The following WDR83 variants were observed in gnomAD, a reference collection of about 807,000 sequenced individuals.
WDR83 encodes WD repeat domain 83.
In WDR83, 37 loss-of-function variants were observed where a neutral mutation model predicts 37.7. The observed-to-expected ratio is 0.98, with a 90% CI of 0.76 to 1.29. The LOEUF is 1.29. Ranked by LOEUF, WDR83 falls within the 50% of genes most tolerant of loss-of-function variation. The pLI is 0.00. For missense variants in WDR83, 445 were observed against 414.4 expected (o/e 1.07, Z -0.64); for synonymous variants, 174 against 181.1 (o/e 0.96, Z 0.31).
In WDR83 at chr19:12,673,310, G is replaced by A; in HGVS notation, c.792G>A (p.Leu264=). The change falls in exon 10 of 11, where the codon CTG becomes CTA. Residue 264 remains leucine (L), a synonymous_variant. Transcript: ENST00000418543. ...SEDGKVFFWD[L]VEGALALALP... ...ACGGGAAGGTGTTCTTCTGGGACCT[G>A]GTGGAGGTGAGGTGCCCCCAGCCCT... The A allele has an allele frequency of 1.2e-6, 2 of 1,613,568 alleles. No individual in the cohort carries two copies. Among genetic ancestry groups the A allele is most frequent in the Non-Finnish European group, 8.5e-7 (1 of 1,179,728 alleles).
chr19:12,670,353 G>A (rs2024376048), intron 5 of WDR83, 68 bp downstream of exon 5: 26 of 1,554,256 alleles, frequency 1.7e-5, no homozygotes, highest in Middle Eastern at 1.8e-4. Context: ...GTGGTGACAC[G>A]GCCACCCCCA....
At position 12,670,182 on chromosome 19, in the gene WDR83, C is replaced by T. The variant is rs1389344896; in HGVS notation, c.227C>T (p.Ser76Phe). The change falls in exon 5 of 11, where the codon TCC (serine) becomes TTC (phenylalanine). Residue 76 changes from serine (S) to phenylalanine (F), a missense_variant and splice_region_variant. Coordinates refer to ENST00000418543, the MANE Select transcript of WDR83 (RefSeq NM_001099737.3). ...ATCCTCCTCCTCCTTTACTCCAGCT[C>T]CTTTGACAACAGTAGTCTCTGCTCC... ...HGYEVLDAAG[S>F]FDNSSLCSGG... 2 of 1,613,530 alleles carry T rather than the reference C, an allele frequency of 1.2e-6. No homozygotes were observed. The highest frequency in any genetic ancestry group is 1.7e-5 in the Admixed American group (1 of 59,992).
rs527629636 is a variant in WDR83, at chr19:12,675,347, A to T, written c.799-176A>T. On this transcript the variant is annotated intron_variant, in intron 10 of 10. Coordinates refer to ENST00000418543, the MANE Select transcript of WDR83 (RefSeq NM_001099737.3). ...GTAGGACAGAGCTACTGAGGGGCTCAGTCTGAGGTAGATTAATTTTGCAGT... is the reference window on the plus strand; with the variant it reads ...GTAGGACAGAGCTACTGAGGGGCTCTGTCTGAGGTAGATTAATTTTGCAGT... Among the ~76,000 whole-genome samples, 3 of 152,348 alleles carry T rather than the reference A, an allele frequency of 2.0e-5. No individual in the cohort carries two copies. In the South Asian group the frequency reaches 6.2e-4, roughly 32 times the overall value.
chr19:12,669,408 A>C, intron 2 of WDR83: 1 of 1,593,684 alleles, frequency 6.3e-7, no homozygotes, highest in African/African-American at 1.3e-5. Flanking sequence ...GGACATAGCG[A>C]GTCGAAGGCC....
intron 10 of WDR83, among the ~76,000 whole-genome samples, chr19:12,674,805 G>A (rs1403622782): frequency 6.6e-6 from 1 of 152,058 alleles, no homozygotes; most frequent in African/African-American, 2.4e-5. Flanking sequence ...AACTGATAGA[G>A]GAACATGTGG....
intron 2 of WDR83, chr19:12,669,100 A>G: frequency 2.5e-6 from 4 of 1,608,312 alleles, no homozygotes; most frequent in Non-Finnish European, 3.4e-6. Flanking sequence ...AGGTCCAACT[A>G]CACCCATAGA....
Position 12,672,877 on chromosome 19 carries a change from C to T in WDR83, c.537C>T (p.Asp179=), listed in dbSNP as rs1599371347. Residue 179 remains aspartate (D), a synonymous_variant, in exon 8 of 11, where the codon GAC becomes GAT. Coordinates refer to ENST00000418543, the MANE Select transcript of WDR83 (RefSeq NM_001099737.3). ...TGGATGGCCGCGTGAGACGCTATGA[C>T]CTAAGGATGGGGCAGCTCTTCTCAG... ...GSVDGRVRRY[D]LRMGQLFSDY... 2 of 1,595,296 alleles carry T rather than the reference C, an allele frequency of 1.3e-6. No individual in the cohort carries two copies. The highest frequency in any genetic ancestry group is 2.3e-5 in the East Asian group (1 of 44,152).
In WDR83 at chr19:12,670,251, G is replaced by A. The variant is rs142667818; in HGVS notation, c.296G>A (p.Gly99Glu). Residue 99 changes from glycine (G) to glutamate (E), a missense_variant, in exon 5 of 11, where the codon GGG (glycine) becomes GAG (glutamate). Physicochemically the swap from Gly to Glu is moderately conservative, Grantham distance 98 (BLOSUM62 -2). Transcript: ENST00000418543. ...GTGGTTCTGTGGGATGTGGCATCAGGGCAGGTCGTGCGCAAATTCCGGGGC... is the reference window on the plus strand; with the variant it reads ...GTGGTTCTGTGGGATGTGGCATCAGAGCAGGTCGTGCGCAAATTCCGGGGC... The part of the protein sequence containing the change: ...KAVVLWDVAS[G>E]QVVRKFRGHA... The A allele has an allele frequency of 2.5e-6, 4 of 1,614,030 alleles. No homozygotes were observed. In the Admixed American group the frequency reaches 5.0e-5, roughly 20 times the overall value.
chr19:12,667,867 C>T (rs181005499), intron 1 of WDR83, among the ~76,000 whole-genome samples: 1 of 151,986 alleles, frequency 6.6e-6, no homozygotes, highest in African/African-American at 2.4e-5. Flanking sequence ...CCTAGATTAT[C>T]TAGGTCAGCA....
intron 2 of WDR83, chr19:12,669,392 G>C: frequency 6.3e-7 from 1 of 1,599,554 alleles, no homozygotes; most frequent in Non-Finnish European, 8.5e-7. Context: ...CCGACATATT[G>C]TTAGTGGACA....
rs1211980622 is a variant in WDR83, at chr19:12,670,750, A to G, written c.435A>G (p.Pro145=). The change falls in exon 7 of 11, where the codon CCA becomes CCG. Residue 145 remains proline (P), a synonymous_variant. Coordinates refer to ENST00000418543, the MANE Select transcript of WDR83 (RefSeq NM_001099737.3). ...CWDCRSRRPE[P]VQTLDEARDG... ...ATTGCCGCTCACGGAGGCCTGAGCCAGTGCAGACGCTGGATGAGGCCAGAG... is the reference window on the plus strand; with the variant it reads ...ATTGCCGCTCACGGAGGCCTGAGCCGGTGCAGACGCTGGATGAGGCCAGAG... 6.2e-7 allele frequency: 1 copy of G among 1,614,192 alleles called. No individual in the cohort carries two copies. The highest frequency in any genetic ancestry group is 1.1e-5 in the South Asian group (1 of 91,082).
intron 5 of WDR83, 57 bp downstream of exon 5, chr19:12,670,342 G>C: frequency 6.3e-7 from 1 of 1,579,308 alleles, no homozygotes; most frequent in Non-Finnish European, 8.6e-7. Flanking sequence ...TTAGCGCATA[G>C]GTGGTGACAC....
At chr19:12,668,348 C>T (rs756819548) in intron 1 of WDR83, 160 bp from the exon 2 acceptor site, 26 of 1,609,196 alleles carry the variant, frequency 1.6e-5, no homozygotes, top group Non-Finnish European at 2.1e-5. Context: ...TGTGACCCTT[C>T]TAGGCTGGTA....
rs375508885 is a variant in WDR83, at chr19:12,673,273, G to A, written c.755G>A (p.Ser252Asn). ...CLSERDTHVV[S>N]CSEDGKVFFW... ...AGCGAGCGTGACACACATGTGGTCA[G>A]CTGTTCTGAGGACGGGAAGGTGTTC... Residue 252 changes from serine (S) to asparagine (N), a missense_variant, in exon 10 of 11, where the codon AGC becomes AAC. Physicochemically the swap from Ser to Asn is conservative, Grantham distance 46. Coordinates refer to ENST00000418543, the MANE Select transcript of WDR83 (RefSeq NM_001099737.3). The A allele has an allele frequency of 9.3e-6, 15 of 1,614,114 alleles. No individual in the cohort carries two copies. The highest frequency in any genetic ancestry group is 1.3e-5 in the African/African-American group (1 of 75,000).
rs2024391647 is a variant in WDR83, at chr19:12,670,754, C to T, written c.439C>T (p.Gln147Ter). Residue 147 changes from glutamine (Q) to a stop codon, truncating the protein, a stop_gained, in exon 7 of 11, where the codon CAG becomes TAG. Coordinates refer to ENST00000418543, the MANE Select transcript of WDR83 (RefSeq NM_001099737.3). LOFTEE classifies it high-confidence loss of function. The stretch of plus-strand genomic sequence containing the variant: ...CCGCTCACGGAGGCCTGAGCCAGTG[C>T]AGACGCTGGATGAGGCCAGAGATGG... The part of the protein sequence containing the change: ...DCRSRRPEPV[Q>*]TLDEARDGVS... 2 of 1,614,058 alleles carry T rather than the reference C, an allele frequency of 1.2e-6. No individual in the cohort carries two copies. Among genetic ancestry groups the T allele is most frequent in the Admixed American group, 1.7e-5 (1 of 60,000 alleles).
chr19:12,673,410 CTTTTTTTTTTTTTTTTT>C, intron 10 of WDR83, 94 bp downstream of exon 10: 1 of 247,280 alleles, frequency 4.0e-6, no homozygotes, highest in South Asian at 2.9e-5. Flanking sequence ...AGGCTAGGAT[CTTTTTTTTTTTTTTTTT>C]TTTTTTTTTG....
Position 12,670,090 on chromosome 19 carries a change from G to A in WDR83, c.217G>A (p.Ala73Thr). The change falls in exon 4 of 11, where the codon GCG becomes ACG. Residue 73 changes from alanine (A) to threonine (T), a missense_variant. Transcript: ENST00000418543. Reference protein sequence around the residue: ...YSGHGYEVLDAAGSFDNSSLC... With the variant: ...YSGHGYEVLDTAGSFDNSSLC... ...CGGCCACGGCTACGAGGTGCTGGAT[G>A]CGGCCGGGTGAGCCGGGGACCAGGC... 2 of 1,610,382 alleles carry A rather than the reference G, an allele frequency of 1.2e-6. No homozygotes were observed. The highest frequency in any genetic ancestry group is 1.7e-5 in the Admixed American group (1 of 59,956).
chr19:12,669,447 G>A (rs1238331468), intron 2 of WDR83: 7 of 1,563,484 alleles, frequency 4.5e-6, no homozygotes, highest in Admixed American at 1.9e-5. Flanking sequence ...TGCAGGAATC[G>A]CAGCTTCCGG....
chr19:12,671,952 T>C (rs1333680835), intron 7 of WDR83, among the ~76,000 whole-genome samples: 1 of 152,190 alleles, frequency 6.6e-6, no homozygotes, highest in Non-Finnish European at 1.5e-5. Context: ...TGCCCTGGCC[T>C]CCCAAAGAGC....
Sources: gnomAD v4.1 joint callset for allele counts (sites outside exome capture counted in the v4.1 genomes callset) on GRCh38, gnomAD v4.1.1 for gene constraint, MANE v1.5 for transcripts, NCBI Gene and HGNC (gene_info 2026-07-23, HGNC 2026-07-21) for gene names.